Variants in IFT57 observed in about 807,000 individuals in gnomAD.
The protein encoded by IFT57 is intraflagellar transport 57.
A neutral mutation model predicts 56.8 loss-of-function variants in IFT57; 59 were observed. The observed-to-expected ratio is 1.04, with a 90% CI of 0.84 to 1.29. The LOEUF (loss-of-function observed/expected upper bound fraction) is 1.29, where lower values mean the gene tolerates loss of function less well. Ranked by LOEUF, IFT57 falls within the 50% of genes most tolerant of loss-of-function variation. The probability of loss-of-function intolerance (pLI) is 0.00; values close to 1 mark genes in which losing one functional copy is unlikely to be tolerated. For synonymous variants in IFT57, 209 were observed against 186.1 expected, an observed-to-expected ratio of 1.12 and a Z score of -1.00; for missense variants, 470 against 522.1, an observed-to-expected ratio of 0.90 and a Z score of 0.97.
In IFT57 at chr3:108,162,461, T is replaced by A. The variant is rs764838033; in HGVS notation, c.*16A>T. 6.4e-7 allele frequency: 1 copy of A among 1,567,630 alleles called. No homozygotes were observed. Among genetic ancestry groups the A allele is most frequent in the South Asian group, 1.2e-5 (1 of 84,882 alleles). ...TAAAAAACCCAACTAATCAGAAACA[T>A]GAAAACCAGTATGTTTTAATAAAAG... On this transcript the variant is annotated 3_prime_UTR_variant, in exon 11 of 11. Transcript: ENST00000264538.
Position 108,191,423 on chromosome 3 carries a change from C to T in IFT57, c.777+98G>A, listed in dbSNP as rs867700282. The stretch of plus-strand genomic sequence containing the variant: ...AATGCTGAAAACTGAATCCTACTGC[C>T]CTTCTTTAATAATTTTTATAATTGG... On this transcript the variant is annotated intron_variant, in intron 6 of 10. Transcript: ENST00000264538. The T allele has an allele frequency of 1.1e-5, 8 of 717,720 alleles. No individual in the cohort carries two copies. The South Asian group carries it at 1.4e-4, about 13-fold the overall frequency. The allele number at this position is 717,720 out of a possible 1,614,324, so 44.5% of individuals were successfully genotyped here.
chr3:108,183,793 A>C (rs762956747), intron 6 of IFT57, among the ~76,000 whole-genome samples: 11 of 152,136 alleles, frequency 7.2e-5, no homozygotes, highest in Non-Finnish European at 1.6e-4. Context: ...ATTCTTCCTC[A>C]AGAAACAGCA....
At chr3:108,209,603 T>G (rs2080332853) in intron 4 of IFT57, among the ~76,000 whole-genome samples, 1 of 152,222 alleles carries the variant, frequency 6.6e-6, no homozygotes, top group Non-Finnish European at 1.5e-5. Flanking sequence ...ATTGAATCAG[T>G]AGACTGAGTA....
At chr3:108,216,373 T>C (rs2108328170) in intron 3 of IFT57, among the ~76,000 whole-genome samples, 1 of 152,260 alleles carries the variant, frequency 6.6e-6, no homozygotes, top group Non-Finnish European at 1.5e-5. Context: ...TATGCAAAAA[T>C]GCTTGACATC....
intron 5 of IFT57, among the ~76,000 whole-genome samples, chr3:108,204,171 A>C (rs570123054): frequency 2.6e-4 from 40 of 152,312 alleles, no homozygotes; most frequent in African/African-American, 9.4e-4. Context: ...AGTGGGCAAT[A>C]TCATGAGCTT....
intron 6 of IFT57, among the ~76,000 whole-genome samples, chr3:108,185,510 T>C (rs2080176460): frequency 6.7e-6 from 1 of 149,880 alleles, no homozygotes; most frequent in African/African-American, 2.5e-5. Context: ...AAAGAAAAAG[T>C]GCCACGAAGA....
At chr3:108,203,642 A>C (rs2080291847) in intron 5 of IFT57, among the ~76,000 whole-genome samples, 1 of 152,250 alleles carries the variant, frequency 6.6e-6, no homozygotes, top group South Asian at 2.1e-4. Context: ...GCATGTATTC[A>C]TACAATATTA....
At chr3:108,195,283 T>C (rs1012302870) in intron 5 of IFT57, among the ~76,000 whole-genome samples, 16 of 152,300 alleles carry the variant, frequency 1.1e-4, no homozygotes, top group Admixed American at 5.2e-4. Flanking sequence ...GATACCATTT[T>C]ACCTCAGTTA....
At chr3:108,167,365 C>G (rs2080068727) in intron 7 of IFT57, among the ~76,000 whole-genome samples, 1 of 151,868 alleles carries the variant, frequency 6.6e-6, no homozygotes. Context: ...GCCTATAGCT[C>G]TAGCCTGGGA....
At chr3:108,186,414 T>C (rs1044340921) in intron 6 of IFT57, among the ~76,000 whole-genome samples, 1 of 151,570 alleles carries the variant, frequency 6.6e-6, no homozygotes, top group African/African-American at 2.4e-5. Flanking sequence ...GAGGAATTAA[T>C]AGGAGATGAT....
chr3:108,184,436 A>T lies in IFT57; in HGVS notation c.777+7085T>A, dbSNP rs907061816. Among the ~76,000 whole-genome samples, 4 of 152,156 alleles carry T rather than the reference A, an allele frequency of 2.6e-5. No individual in the cohort carries two copies. In the South Asian group the frequency reaches 8.3e-4, roughly 31 times the overall value. ...ACCACACAGGCTAAAATATTGAAAA[A>T]ATTAAGAAAAAGTTAGGTATGTTAT... On this transcript the variant is annotated intron_variant, in intron 6 of 10. Transcript: ENST00000264538.
chr3:108,220,968 GA>G (rs1234405115), intron 1 of IFT57, among the ~76,000 whole-genome samples: 2 of 152,080 alleles, frequency 1.3e-5, no homozygotes, highest in African/African-American at 2.4e-5. Context: ...AATATACTTG[GA>G]AAAAAATGCA....
At chr3:108,164,756 G>T (rs1400045562) in intron 9 of IFT57, among the ~76,000 whole-genome samples, 1 of 152,004 alleles carries the variant, frequency 6.6e-6, no homozygotes, top group African/African-American at 2.4e-5. Flanking sequence ...CTCTATAAAA[G>T]AGGTTTAATT....
chr3:108,180,950 A>G (rs1027280992), intron 6 of IFT57, among the ~76,000 whole-genome samples: 3 of 152,050 alleles, frequency 2.0e-5, no homozygotes, highest in Non-Finnish European at 1.5e-5. Context: ...TAGTTGAGGT[A>G]TATCAACAGT....
intron 4 of IFT57, chr3:108,213,682 C>A (rs1332553250): frequency 5.9e-6 from 2 of 339,392 alleles, no homozygotes; most frequent in Non-Finnish European, 1.1e-5. Context: ...ACTCATATAA[C>A]TAGTGGTATA....
intron 6 of IFT57, among the ~76,000 whole-genome samples, chr3:108,169,301 C>T (rs953680831): frequency 3.3e-5 from 5 of 151,386 alleles, no homozygotes; most frequent in Admixed American, 3.3e-4. Context: ...TTCTGAGAAG[C>T]GTCTGTTCAT....
At chr3:108,207,292 A>G (rs1236314515) in intron 4 of IFT57, among the ~76,000 whole-genome samples, 3 of 152,146 alleles carry the variant, frequency 2.0e-5, no homozygotes, top group Admixed American at 2.0e-4. Flanking sequence ...CTGCAGACCA[A>G]TTGGATGTAG....
chr3:108,196,741 G>A (rs975748696), intron 5 of IFT57, among the ~76,000 whole-genome samples: 3 of 151,978 alleles, frequency 2.0e-5, no homozygotes, highest in African/African-American at 4.8e-5. Flanking sequence ...GTGAATAAAG[G>A]GCAAAAAGAG....
chr3:108,198,473 GCT>G (rs1356487337), intron 5 of IFT57, among the ~76,000 whole-genome samples: 1 of 151,980 alleles, frequency 6.6e-6, no homozygotes, highest in Non-Finnish European at 1.5e-5. Context: ...ACAGGGTCTC[GCT>G]CTGTCACCCA....
Sources: allele counts gnomAD v4.1 joint callset (sites outside exome capture counted in the v4.1 genomes callset), GRCh38; gene constraint gnomAD v4.1.1; transcripts MANE v1.5; gene names NCBI Gene and HGNC (gene_info 2026-07-23, HGNC 2026-07-21).